The following C4orf50 variants were observed in gnomAD, a reference collection of about 807,000 sequenced individuals.
C4orf50 encodes uncharacterized protein C4orf50.
Under a neutral mutation model 77.2 loss-of-function variants are expected in C4orf50, and 80 were observed. The ratio of observed to expected loss-of-function variants is 1.04; its 90% CI spans 0.87 to 1.25. The LOEUF (loss-of-function observed/expected upper bound fraction) is 1.25, where lower values mean the gene tolerates loss of function less well. C4orf50 is among the 50% of genes most tolerant of loss of function. The pLI, the probability that C4orf50 is intolerant of heterozygous loss-of-function variation, is 0.00. For missense variants in C4orf50, 1,257 were observed against 1,152.9 expected, an observed-to-expected ratio of 1.09 and a Z score of -1.31; for synonymous variants, 532 against 465.3, an observed-to-expected ratio of 1.14 and a Z score of -1.84.
At chr4:5,907,178 T>C (rs1439930158) in intron 7 of C4orf50, among the ~76,000 whole-genome samples, 2 of 151,882 alleles carry the variant, frequency 1.3e-5, no homozygotes, top group Middle Eastern at 3.4e-3. Context: ...AGCAGGTGGG[T>C]GATATCAAAC....
At chr4:5,965,244 A>C in intron 32 of C4orf50, 99 bp from the exon 11 acceptor site, 1 of 1,276,990 alleles carries the variant, frequency 7.8e-7, no homozygotes, top group Non-Finnish European at 1.1e-6. Context: ...CTCTCTAGCC[A>C]TTCCCAGATC....
chr4:5,910,810 G>A (rs766138057), intron 7 of C4orf50, among the ~76,000 whole-genome samples: 1 of 151,992 alleles, frequency 6.6e-6, no homozygotes, highest in Non-Finnish European at 1.5e-5. Flanking sequence ...TCAGTGGAGT[G>A]GGGGGGATAC....
chr4:6,007,168 A>C lies in C4orf50; in HGVS notation c.963+828T>G, dbSNP rs982890935. 1.3e-5 allele frequency among the ~76,000 whole-genome samples: 2 copies of C among 152,136 alleles called. No homozygotes were observed. Among genetic ancestry groups the C allele is most frequent in the Admixed American group, 1.3e-4 (2 of 15,284 alleles). The stretch of plus-strand genomic sequence containing the variant: ...AGTGGCCAGAGGGGTAGATAGATGA[A>C]CACATGGTGTGGTGAATGAGAAGAT... On this transcript the variant is annotated intron_variant, in intron 25 of 33. Coordinates refer to ENST00000531445, the Ensembl canonical transcript of C4orf50. This position sits in a 1 kb window ranked among gnomAD's most constrained non-coding sequence, Gnocchi z 4.1.
At position 5,980,331 on chromosome 4, in the gene C4orf50, TC is replaced by T. The variant is rs1227614772; in HGVS notation, c.3706del (p.Asp1236ThrfsTer23). ...CTCCTCAGTAACCTCGGCCTCTGAG[TC>T]CCGGAGCTGCGGAAATCACAGATTT... On this transcript the variant is annotated frameshift_variant, in exon 29 of 34. Coordinates refer to ENST00000531445, the Ensembl canonical transcript of C4orf50. LOFTEE classifies it high-confidence loss of function. 1 of 1,609,632 alleles carries T rather than the reference TC, an allele frequency of 6.2e-7. No homozygotes were observed. The highest frequency in any genetic ancestry group is 8.5e-7 in the Non-Finnish European group (1 of 1,178,354).
At chr4:5,975,157 A>T (rs1195554807) in intron 30 of C4orf50, among the ~76,000 whole-genome samples, 1 of 113,100 alleles carries the variant, frequency 8.8e-6, no homozygotes, top group Non-Finnish European at 1.9e-5. Flanking sequence ...AAAAAAAAAA[A>T]AAAAAAAAAA....
chr4:5,937,020 C>T (rs1718056100), intron 7 of C4orf50, among the ~76,000 whole-genome samples: 1 of 150,870 alleles, frequency 6.6e-6, no homozygotes, highest in South Asian at 2.1e-4. Context: ...AAATGATCAC[C>T]TAACCATAAA....
At chr4:5,978,694 G>A (rs1473223093) in intron 29 of C4orf50, among the ~76,000 whole-genome samples, 1 of 152,152 alleles carries the variant, frequency 6.6e-6, no homozygotes, top group African/African-American at 2.4e-5. Context: ...GTGATATATA[G>A]CTAAGAATCA....
In C4orf50 at chr4:5,959,373, T is replaced by TCC; in HGVS notation, c.*1_*2insGG. The stretch of plus-strand genomic sequence containing the variant: ...AATGGCTCCGGAGAATGAGTGGCCC[T>TCC]ATTACATTTCTAACTCCAGCGGTGA... On this transcript the variant is annotated 3_prime_UTR_variant, in exon 34 of 34. Transcript: ENST00000531445. 6.2e-7 allele frequency: 1 copy of TCC among 1,612,738 alleles called. No homozygotes were observed. The highest frequency in any genetic ancestry group is 8.5e-7 in the Non-Finnish European group (1 of 1,178,878).
At chr4:5,929,198 T>C (rs1189148637) in intron 7 of C4orf50, among the ~76,000 whole-genome samples, 1 of 152,190 alleles carries the variant, frequency 6.6e-6, no homozygotes, top group Non-Finnish European at 1.5e-5. Context: ...AATCCCGCAA[T>C]TGGTTATATC....
At chr4:5,922,120 G>A (rs1717302126) in intron 7 of C4orf50, among the ~76,000 whole-genome samples, 1 of 152,184 alleles carries the variant, frequency 6.6e-6, no homozygotes, top group African/African-American at 2.4e-5. Context: ...TCAGATCCCA[G>A]TGGCTGGAAG....
chr4:5,954,946 G>C (rs189858159), downstream of C4orf50, among the ~76,000 whole-genome samples: 2 of 152,010 alleles, frequency 1.3e-5, no homozygotes, highest in Non-Finnish European at 2.9e-5. The surrounding 1 kb of genome is among the most constrained non-coding windows in gnomAD (Gnocchi z 4.7). Context: ...GAAACCTCTG[G>C]ACAGGCTCGT....
At chr4:5,924,757 T>A (rs1054748838) in intron 7 of C4orf50, among the ~76,000 whole-genome samples, 1 of 152,162 alleles carries the variant, frequency 6.6e-6, no homozygotes, top group Non-Finnish European at 1.5e-5. Flanking sequence ...TTGCACAATA[T>A]GAAGCGGCTT....
At chr4:5,918,262 C>T (rs193111840) in intron 7 of C4orf50, among the ~76,000 whole-genome samples, 1 of 152,302 alleles carries the variant, frequency 6.6e-6, no homozygotes, top group African/African-American at 2.4e-5. Context: ...CCAGGTAGCA[C>T]AATTCACACC....
At chr4:5,991,206 C>A (rs1452589153) in intron 27 of C4orf50, among the ~76,000 whole-genome samples, 3 of 152,200 alleles carry the variant, frequency 2.0e-5, no homozygotes. Flanking sequence ...TCATCTAACT[C>A]CCCCTATAGC....
chr4:5,898,087 A>G (rs1716203405), exon 8 of C4orf50: 3 of 152,186 alleles, frequency 2.0e-5, no homozygotes. Context: ...AAAGTACACA[A>G]TTTCTAAACT....
At chr4:5,931,663 G>A (rs560390299) in intron 7 of C4orf50, among the ~76,000 whole-genome samples, 5 of 152,090 alleles carry the variant, frequency 3.3e-5, no homozygotes, top group Admixed American at 6.5e-5. Flanking sequence ...CCCTTGTGAT[G>A]TCTGACGGGG....
chr4:5,931,776 T>C (rs1397086214), intron 7 of C4orf50, among the ~76,000 whole-genome samples: 1 of 152,066 alleles, frequency 6.6e-6, no homozygotes, highest in Admixed American at 6.6e-5. Context: ...CTCCCTCCCA[T>C]CTTCCCCGTG....
chr4:6,012,073 C>T (rs971242214), intron 23 of C4orf50, 105 bp from the exon 2 acceptor site: 1 of 398,010 alleles, frequency 2.5e-6, no homozygotes, highest in South Asian at 1.3e-4. Flanking sequence ...GTTTTTGTCA[C>T]TGGGCCAATG....
At chr4:5,973,921 C>G (rs1577952557) in intron 30 of C4orf50, 80 bp from the exon 9 acceptor site, 1 of 1,155,042 alleles carries the variant, frequency 8.7e-7, no homozygotes, top group South Asian at 1.5e-5. Context: ...GCCGGAGGGT[C>G]AGCTGAGGCC....
Sources: gnomAD v4.1 joint callset for allele counts (sites outside exome capture counted in the v4.1 genomes callset) on GRCh38, gnomAD v4.1.1 for gene constraint, Gnocchi (gnomAD v3.1) non-coding constraint, MANE v1.5 for transcripts, NCBI Gene and HGNC (gene_info 2026-07-23, HGNC 2026-07-21) for gene names.